PPP2R3A: variants seen among roughly 807,000 people sequenced by gnomAD.
PPP2R3A encodes the protein serine/threonine-protein phosphatase 2A regulatory subunit B'' subunit alpha.
Under a neutral mutation model 106.9 loss-of-function variants are expected in PPP2R3A, and 80 were observed. That is an observed-to-expected ratio of 0.75 (90% CI 0.62 to 0.90). The LOEUF (loss-of-function observed/expected upper bound fraction) is 0.90. PPP2R3A is among the 40% of genes least tolerant of loss of function. PPP2R3A has a pLI of 0.00. For missense variants in PPP2R3A, 1,386 were observed against 1,350.4 expected, an observed-to-expected ratio of 1.03 and a Z score of -0.41; for synonymous variants, 483 against 468.3, an observed-to-expected ratio of 1.03 and a Z score of -0.41.
chr3:136,118,863 A>G (rs1240389041), intron 13 of PPP2R3A, among the ~76,000 whole-genome samples: 1 of 152,216 alleles, frequency 6.6e-6, no homozygotes, highest in Non-Finnish European at 1.5e-5. Flanking sequence ...AAAATTGGAA[A>G]AAACTACTTT....
At chr3:136,018,951 G>T (rs957016503) in intron 2 of PPP2R3A, among the ~76,000 whole-genome samples, 1 of 152,198 alleles carries the variant, frequency 6.6e-6, no homozygotes, top group African/African-American at 2.4e-5. Context: ...CCCAGACCCA[G>T]ACCAAGACAG....
intron 1 of PPP2R3A, among the ~76,000 whole-genome samples, chr3:135,972,304 CTTCA>C (rs1218479570): frequency 2.6e-5 from 4 of 152,198 alleles, no homozygotes; most frequent in African/African-American, 9.6e-5. Flanking sequence ...TGTATCAGTA[CTTCA>C]TTCTTTCTTT....
chr3:136,029,008 A>G (rs1934766584), intron 3 of PPP2R3A, among the ~76,000 whole-genome samples: 1 of 152,104 alleles, frequency 6.6e-6, no homozygotes, highest in East Asian at 1.9e-4. Context: ...ATGCACCACC[A>G]TGCCCGGCTA....
chr3:136,078,459 C>G lies in PPP2R3A; in HGVS notation c.2631+6C>G, dbSNP rs542172383. On this transcript the variant is annotated splice_donor_region_variant and intron_variant, in intron 7 of 13. Transcript: ENST00000264977. ...GAAAAAGCAACTTTTTGCAAGTATG[C>G]CTTTCATTAGAATTCATGTGTAATG... 1.3e-6 allele frequency: 2 copies of G among 1,548,136 alleles called. No homozygotes were observed. The highest frequency in any genetic ancestry group is 1.1e-5 in the South Asian group (1 of 87,464).
intron 3 of PPP2R3A, among the ~76,000 whole-genome samples, chr3:136,030,882 TG>T (rs1336737112): frequency 6.6e-6 from 1 of 151,498 alleles, no homozygotes; most frequent in Non-Finnish European, 1.5e-5. Flanking sequence ...TGATGGGCAT[TG>T]GGTTGGTTTC....
rs149239932 is a variant in PPP2R3A, at chr3:135,968,600, A to G, written c.-441+2751A>G. ...CCACTAAGCAGTGGTTCTCAGTCCA[A>G]CACTCTCATCAGAACCACCAGAACT... On this transcript the variant is annotated intron_variant, in intron 1 of 13. Transcript: ENST00000264977. Among the ~76,000 whole-genome samples, 1,009 of 152,294 alleles carry G rather than the reference A, an allele frequency of 6.6e-3. 11 individuals are homozygous for G. The highest frequency in any genetic ancestry group is 0.02 in the Middle Eastern group (6 of 294).
Position 136,002,287 on chromosome 3 carries a change from T to A in PPP2R3A, c.789T>A (p.Ser263Arg). 3 of 1,613,718 alleles carry A rather than the reference T, an allele frequency of 1.9e-6. No homozygotes were observed. The highest frequency in any genetic ancestry group is 1.7e-6 in the Non-Finnish European group (2 of 1,179,806). ...AGAAAAAATCAGGGAGTAGCATCAG[T>A]GAAGGAAGTGGTAATGATACAATTT... ...CIKKKSGSSI[S>R]EGSGNDTISS... The change falls in exon 2 of 14, where the codon AGT (serine) becomes AGA (arginine). Residue 263 changes from serine (S) to arginine (R), a missense_variant. Physicochemically the swap from Ser to Arg is moderately radical, Grantham distance 110. Transcript: ENST00000264977.
At chr3:135,994,173 T>A (rs1238242534) in intron 1 of PPP2R3A, among the ~76,000 whole-genome samples, 2 of 152,254 alleles carry the variant, frequency 1.3e-5, no homozygotes, top group African/African-American at 2.4e-5. Flanking sequence ...GGCTTCACTG[T>A]AAGATGATCA....
chr3:136,006,628 A>G (rs1177492716), intron 2 of PPP2R3A, among the ~76,000 whole-genome samples: 1 of 152,168 alleles, frequency 6.6e-6, no homozygotes, highest in Non-Finnish European at 1.5e-5. Context: ...AAGTTTGTCA[A>G]CCCATCTTAA....
At chr3:135,974,841 G>A (rs912119843) in intron 1 of PPP2R3A, among the ~76,000 whole-genome samples, 1 of 152,222 alleles carries the variant, frequency 6.6e-6, no homozygotes, top group African/African-American at 2.4e-5. Flanking sequence ...CTGCTTCTCT[G>A]TGAGATTAGA....
chr3:136,000,669 T>G (rs1015545731), intron 1 of PPP2R3A, among the ~76,000 whole-genome samples: 21 of 152,018 alleles, frequency 1.4e-4, no homozygotes, highest in Non-Finnish European at 1.2e-4. Flanking sequence ...TATAGATGGA[T>G]TGGAACAGGT....
At chr3:136,064,027 G>T (rs367902081) in intron 5 of PPP2R3A, among the ~76,000 whole-genome samples, 60 of 151,578 alleles carry the variant, frequency 4.0e-4, no homozygotes, top group Admixed American at 1.2e-3. Context: ...CAAATGTCCA[G>T]CAACGATAGA....
chr3:135,977,399 G>T (rs189210168), intron 1 of PPP2R3A, among the ~76,000 whole-genome samples: 52 of 152,270 alleles, frequency 3.4e-4, no homozygotes, highest in African/African-American at 1.2e-3. Flanking sequence ...AGTTTGAGTG[G>T]TGTGATGCAA....
At chr3:136,043,064 AC>A (rs1043076743) in intron 4 of PPP2R3A, among the ~76,000 whole-genome samples, 4 of 152,126 alleles carry the variant, frequency 2.6e-5, no homozygotes, top group African/African-American at 9.7e-5. Flanking sequence ...AGGTAATTAT[AC>A]AGAATTAAAA....
chr3:136,139,875 G>A (rs1938786207), intron 13 of PPP2R3A, among the ~76,000 whole-genome samples: 1 of 147,868 alleles, frequency 6.8e-6, no homozygotes, highest in South Asian at 2.2e-4. Flanking sequence ...GTGTGGTGGT[G>A]CATGCCTGTA....
rs1462681515 is a variant in PPP2R3A, at chr3:136,064,088, T to TA, written c.2470-6384dup. 2.6e-5 allele frequency among the ~76,000 whole-genome samples: 4 copies of TA among 151,692 alleles called. No individual in the cohort carries two copies. In the East Asian group the frequency reaches 5.8e-4, roughly 22 times the overall value. On this transcript the variant is annotated intron_variant, in intron 5 of 13. Coordinates refer to ENST00000264977, the MANE Select transcript of PPP2R3A (RefSeq NM_002718.5). Reference sequence around the variant, plus strand: ...TACACCATGGAATACTATGCAGCCATAAAAAATGATGAGTTCATGTCCTTT... The same window carrying TA: ...TACACCATGGAATACTATGCAGCCATAAAAAAATGATGAGTTCATGTCCTTT...
intron 3 of PPP2R3A, among the ~76,000 whole-genome samples, chr3:136,036,954 T>A (rs1287731993): frequency 6.6e-6 from 1 of 152,228 alleles, no homozygotes; most frequent in Non-Finnish European, 1.5e-5. Context: ...GAGCTCTGTG[T>A]CTCCAGCACT....
At position 135,993,917 on chromosome 3, in the gene PPP2R3A, T is replaced by C. The variant is rs368482513; in HGVS notation, c.-440-7142T>C. Among the ~76,000 whole-genome samples, 5 of 152,160 alleles carry C rather than the reference T, an allele frequency of 3.3e-5. No individual in the cohort carries two copies. In the South Asian group the frequency reaches 8.3e-4, roughly 25 times the overall value. On this transcript the variant is annotated intron_variant, in intron 1 of 13. Coordinates refer to ENST00000264977, the MANE Select transcript of PPP2R3A (RefSeq NM_002718.5). ...CCTACAGTAATAGAAATCAGATCAG[T>C]GGTTGTTGGATATTATGGGTAAGGG...
At chr3:136,113,129 A>G (rs980774111) in intron 13 of PPP2R3A, among the ~76,000 whole-genome samples, 2 of 151,874 alleles carry the variant, frequency 1.3e-5, no homozygotes, top group African/African-American at 4.8e-5. Context: ...GAAAAAAAAA[A>G]TCATATGAAA....
Sources: allele counts gnomAD v4.1 joint callset (sites outside exome capture counted in the v4.1 genomes callset), GRCh38; gene constraint gnomAD v4.1.1; transcripts MANE v1.5; gene names NCBI Gene and HGNC (gene_info 2026-07-23, HGNC 2026-07-21).